Variants in SNX30 observed in about 807,000 individuals in gnomAD.
SNX30 encodes the protein sorting nexin-30.
Under a neutral mutation model 46.4 loss-of-function variants are expected in SNX30, and 24 were observed. The ratio of observed to expected loss-of-function variants is 0.52; its 90% CI spans 0.37 to 0.73. The LOEUF is 0.73. Ranked by LOEUF, SNX30 falls within the 30% of genes least tolerant of loss-of-function variation. The pLI, the probability that SNX30 is intolerant of heterozygous loss-of-function variation, is 0.00. For missense variants in SNX30, 533 were observed against 555.7 expected, an observed-to-expected ratio of 0.96 and a Z score of 0.41; for synonymous variants, 189 against 211.5, an observed-to-expected ratio of 0.89 and a Z score of 0.92.
rs114367601 is a variant in SNX30, at chr9:112,774,909, G to A, written c.156+23752G>A. Among the ~76,000 whole-genome samples, 537 of 144,484 alleles carry A rather than the reference G, an allele frequency of 3.7e-3. 1 individual carries two copies. The highest frequency in any genetic ancestry group is 0.012 in the African/African-American group (473 of 38,914). The allele number at this position is 144,484 out of a possible 152,430, so 94.8% of individuals were successfully genotyped here. Reference sequence around the variant, plus strand: ...CCCAGGCGTGGAGTGCAGTGGCGCCGTCTCGACTCACTGCAACCTCTGCCT... The same window carrying A: ...CCCAGGCGTGGAGTGCAGTGGCGCCATCTCGACTCACTGCAACCTCTGCCT... On this transcript the variant is annotated intron_variant, in intron 1 of 8. Transcript: ENST00000374232.
At chr9:112,778,141 A>G (rs112963989) in intron 1 of SNX30, among the ~76,000 whole-genome samples, 1,666 of 152,212 alleles carry the variant, frequency 0.011, 27 homozygotes, top group African/African-American at 0.037. Context: ...GGGCTACTCA[A>G]AGTGTTGTGG....
chr9:112,775,154 C>CTTTTT (rs1167634002), intron 1 of SNX30, among the ~76,000 whole-genome samples: 4 of 113,916 alleles, frequency 3.5e-5, no homozygotes, highest in East Asian at 2.5e-4. Context: ...TTTTTTCTTT[C>CTTTTT]TTTTTTTTTT....
Position 112,764,543 on chromosome 9 carries a change from A to G in SNX30, c.156+13386A>G, listed in dbSNP as rs116348908. ...GGGCATGTGTCACTGTGCCTGGCTA[A>G]TCTTTTCATTCCAATCAAGTGTTTT... On this transcript the variant is annotated intron_variant, in intron 1 of 8. Coordinates refer to ENST00000374232, the MANE Select transcript of SNX30 (RefSeq NM_001012994.2). Among the ~76,000 whole-genome samples, 414 of 152,206 alleles carry G rather than the reference A, an allele frequency of 2.7e-3. 2 individuals are homozygous for G. Among genetic ancestry groups the G allele is most frequent in the African/African-American group, 9.6e-3 (397 of 41,514 alleles).
downstream of SNX30, among the ~76,000 whole-genome samples, chr9:112,883,302 A>T (rs1285763940): frequency 1.3e-5 from 2 of 152,148 alleles, no homozygotes; most frequent in Non-Finnish European, 2.9e-5. Context: ...GAAGCAGTGG[A>T]ATGAGCTTTC....
chr9:112,868,747 T>G, intron 8 of SNX30, 37 bp from the exon 9 acceptor site: 3 of 1,613,134 alleles, frequency 1.9e-6, no homozygotes, highest in Non-Finnish European at 2.5e-6. Context: ...AATCGGAAAC[T>G]CAAAGCTGAT....
chr9:112,816,099 G>A (rs1485822789), intron 2 of SNX30, among the ~76,000 whole-genome samples: 1 of 152,072 alleles, frequency 6.6e-6, no homozygotes, highest in Admixed American at 6.6e-5. Context: ...TTCCTTCTTG[G>A]CCTCTTAAAG....
intron 7 of SNX30, among the ~76,000 whole-genome samples, chr9:112,855,437 C>G (rs1841107307): frequency 6.6e-6 from 1 of 152,054 alleles, no homozygotes; most frequent in African/African-American, 2.4e-5. Flanking sequence ...CCTTGAAAAA[C>G]TTGCGCTGGA....
intron 7 of SNX30, among the ~76,000 whole-genome samples, chr9:112,852,465 T>C (rs1232537957): frequency 1.3e-5 from 2 of 152,178 alleles, no homozygotes; most frequent in African/African-American, 2.4e-5. Context: ...GATTTTGATA[T>C]CTCAGAAGTC....
At position 112,863,691 on chromosome 9, in the gene SNX30, A is replaced by G. The variant is rs189362755; in HGVS notation, c.1102-556A>G. Among the ~76,000 whole-genome samples, 209 of 152,286 alleles carry G rather than the reference A, an allele frequency of 1.4e-3. 1 individual carries two copies. Among genetic ancestry groups the G allele is most frequent in the Admixed American group, 3.3e-3 (51 of 15,300 alleles). ...TTGGGAAAAGCATAAACAAGCCTCC[A>G]GTTTATTTATGATGTGGGGTTCAGA... On this transcript the variant is annotated intron_variant, in intron 7 of 8. Coordinates refer to ENST00000374232, the MANE Select transcript of SNX30 (RefSeq NM_001012994.2).
chr9:112,865,775 G>GTATA (rs113754962), intron 8 of SNX30, among the ~76,000 whole-genome samples: 133 of 143,798 alleles, frequency 9.2e-4, no homozygotes, highest in African/African-American at 2.7e-3. Context: ...ATGTATGTAT[G>GTATA]TATATATATA....
chr9:112,777,891 T>G (rs934156150), intron 1 of SNX30, among the ~76,000 whole-genome samples: 3 of 152,244 alleles, frequency 2.0e-5, no homozygotes, highest in Non-Finnish European at 4.4e-5. Flanking sequence ...GGTTATGTAC[T>G]ATTGCTTAAC....
intron 6 of SNX30, 131 bp downstream of exon 6, chr9:112,838,828 G>A: frequency 2.7e-6 from 2 of 750,550 alleles, no homozygotes; most frequent in Admixed American, 2.6e-5. Context: ...TCAGACACGT[G>A]GACTGACATC....
At chr9:112,815,394 T>C (rs1464823232) in intron 2 of SNX30, among the ~76,000 whole-genome samples, 1 of 151,340 alleles carries the variant, frequency 6.6e-6, no homozygotes, top group Non-Finnish European at 1.5e-5. Flanking sequence ...GGTCTCTTGC[T>C]CTGTTTCCCA....
At chr9:112,842,521 C>T (rs533855056) in intron 6 of SNX30, among the ~76,000 whole-genome samples, 2 of 152,200 alleles carry the variant, frequency 1.3e-5, no homozygotes, top group African/African-American at 4.8e-5. Context: ...TCTCTGAGTT[C>T]GAAAGGGCCT....
chr9:112,832,459 AGTGTGTGTGTGTGTGT>A (rs34515014), intron 4 of SNX30, among the ~76,000 whole-genome samples: 1 of 111,246 alleles, frequency 9.0e-6, no homozygotes, highest in Admixed American at 9.8e-5. Context: ...AGAGAGAGAG[AGTGTGTGTGTGTGTGT>A]GTGTGTGTGT....
intron 7 of SNX30, among the ~76,000 whole-genome samples, chr9:112,861,488 C>T (rs1413901895): frequency 6.6e-6 from 1 of 152,182 alleles, no homozygotes; most frequent in Non-Finnish European, 1.5e-5. Context: ...TGGTAAGTGG[C>T]AGGTGGGGTG....
intron 2 of SNX30, among the ~76,000 whole-genome samples, chr9:112,815,923 C>T (rs191395444): frequency 1.3e-5 from 2 of 152,266 alleles, no homozygotes; most frequent in African/African-American, 2.4e-5. Flanking sequence ...TCACTGCAGT[C>T]GTCTCGACCT....
chr9:112,862,183 A>C (rs1020066846), intron 7 of SNX30, among the ~76,000 whole-genome samples: 4 of 152,214 alleles, frequency 2.6e-5, no homozygotes, highest in African/African-American at 9.7e-5. Flanking sequence ...TCTCCAGAAC[A>C]CACCTGGGAA....
At chr9:112,849,061 G>T (rs734694) in intron 6 of SNX30, among the ~76,000 whole-genome samples, 9,282 of 151,670 alleles carry the variant, frequency 0.061, 640 homozygotes, top group South Asian at 0.18. Context: ...TGGATATGTG[G>T]TTTTTTTTTC....
Sources: gnomAD v4.1 joint callset for allele counts (sites outside exome capture counted in the v4.1 genomes callset) on GRCh38, gnomAD v4.1.1 for gene constraint, MANE v1.5 for transcripts, NCBI Gene and HGNC (gene_info 2026-07-23, HGNC 2026-07-21) for gene names.